The following PCDHA7 variants were observed in gnomAD, a reference collection of about 807,000 sequenced individuals.
The protein encoded by PCDHA7 is protocadherin alpha-7.
A neutral mutation model predicts 57.2 loss-of-function variants in PCDHA7; 37 were observed. That is an observed-to-expected ratio of 0.65 (90% CI 0.50 to 0.85). The LOEUF (loss-of-function observed/expected upper bound fraction) is 0.85. Among genes scored for constraint, PCDHA7 ranks in the 40% least tolerant of loss-of-function variants. The pLI, the probability that PCDHA7 is intolerant of heterozygous loss-of-function variation, is 0.00. For synonymous variants in PCDHA7, 553 were observed against 558.8 expected, an observed-to-expected ratio of 0.99 and a Z score of 0.15; for missense variants, 1,188 against 1,241.8, an observed-to-expected ratio of 0.96 and a Z score of 0.65.
At chr5:140,980,584 C>T (rs1447001293) in intron 2 of PCDHA7, among the ~76,000 whole-genome samples, 3 of 151,934 alleles carry the variant, frequency 2.0e-5, no homozygotes, top group Non-Finnish European at 4.4e-5. Context: ...GAGCCAAGAT[C>T]GAGCCACTGC....
At chr5:140,975,017 G>A (rs1474947976) in intron 1 of PCDHA7, among the ~76,000 whole-genome samples, 1 of 152,154 alleles carries the variant, frequency 6.6e-6, no homozygotes, top group Non-Finnish European at 1.5e-5. Flanking sequence ...ACACAGCTGG[G>A]CTGTGTTGTC....
chr5:140,883,402 C>T lies in PCDHA7; in HGVS notation c.2355+46664C>T. ...CCCTAATCAGTGTGTCCGATCGTGACTCTGGCTCAAATGGACAGGTCACCT... is the reference window on the plus strand; with the variant it reads ...CCCTAATCAGTGTGTCCGATCGTGATTCTGGCTCAAATGGACAGGTCACCT... On this transcript the variant is annotated intron_variant, in intron 1 of 3. Coordinates refer to ENST00000525929, the MANE Select transcript of PCDHA7 (RefSeq NM_018910.3). 4 of 1,614,192 alleles carry T rather than the reference C, an allele frequency of 2.5e-6. No individual in the cohort carries two copies. The South Asian group carries it at 3.3e-5, about 13-fold the overall frequency.
intron 1 of PCDHA7, chr5:140,853,754 A>G: frequency 1.0e-6 from 1 of 988,728 alleles, no homozygotes; most frequent in Non-Finnish European, 1.2e-6. Context: ...TCAAGGCTCC[A>G]CCTCAGAAAT....
intron 1 of PCDHA7, among the ~76,000 whole-genome samples, chr5:140,839,694 A>G (rs1199656797): frequency 6.6e-6 from 1 of 152,032 alleles, no homozygotes; most frequent in Non-Finnish European, 1.5e-5. Context: ...TTTTTTGGGT[A>G]AATAATGTGA....
intron 1 of PCDHA7, chr5:140,857,310 A>G (rs781828328): frequency 6.3e-7 from 1 of 1,598,492 alleles, no homozygotes; most frequent in Non-Finnish European, 8.6e-7. Context: ...TCGGCCTATG[A>G]GCTGGTGGTG....
chr5:140,969,011 A>G lies in PCDHA7; in HGVS notation c.2356-9938A>G, dbSNP rs1554231347. On this transcript the variant is annotated intron_variant, in intron 1 of 3. Transcript: ENST00000525929. Reference sequence around the variant, plus strand: ...ATGCTGTGGAGGCTTCTGTGGAGTAAGGGAAAGGTCCCCTGCAGAACTGTA... The same window carrying G: ...ATGCTGTGGAGGCTTCTGTGGAGTAGGGGAAAGGTCCCCTGCAGAACTGTA... The G allele has an allele frequency of 2.5e-6, 4 of 1,614,084 alleles. No individual in the cohort carries two copies. In the South Asian group the frequency reaches 4.4e-5, roughly 18 times the overall value.
At position 140,835,888 on chromosome 5, in the gene PCDHA7, G is replaced by T. The variant is rs2150247601; in HGVS notation, c.1505G>T (p.Arg502Leu). Reference protein sequence around the residue: ...YSLVELRVGERALSSYVSVHA... With the variant: ...YSLVELRVGELALSSYVSVHA... ...CTGGTGGAGCTGCGGGTGGGCGAGC[G>T]CGCGCTGTCGAGCTACGTGTCAGTG... The change falls in exon 1 of 4, where the codon CGC becomes CTC. Residue 502 changes from arginine to leucine, a missense_variant. Physicochemically the swap from Arg to Leu is moderately radical, Grantham distance 102. This residue lies in a region of PCDHA7 where 892 missense variants were observed against 788.5 expected (regional missense o/e 1.13). Coordinates refer to ENST00000525929, the MANE Select transcript of PCDHA7 (RefSeq NM_018910.3). 6.2e-7 allele frequency: 1 copy of T among 1,611,944 alleles called. No individual in the cohort carries two copies. The highest frequency in any genetic ancestry group is 8.5e-7 in the Non-Finnish European group (1 of 1,179,626).
chr5:140,871,118 G>A, intron 1 of PCDHA7: 3 of 1,613,306 alleles, frequency 1.9e-6, no homozygotes, highest in Non-Finnish European at 2.5e-6. Flanking sequence ...GTGGAGAGCG[G>A]ACAGGCGCCA....
chr5:140,941,210 T>TTC (rs2092846943), intron 1 of PCDHA7, among the ~76,000 whole-genome samples: 12 of 100,630 alleles, frequency 1.2e-4, no homozygotes, highest in Admixed American at 4.7e-4. Context: ...TTCCTTTCTT[T>TTC]CTTCCTTTCT....
intron 1 of PCDHA7, among the ~76,000 whole-genome samples, chr5:140,902,858 C>T (rs1275375548): frequency 6.6e-6 from 1 of 152,110 alleles, no homozygotes; most frequent in African/African-American, 2.4e-5. Context: ...AAATGGCGTC[C>T]AGGTCCACCC....
Position 140,835,759 on chromosome 5 carries a change from A to T in PCDHA7, c.1376A>T (p.Glu459Val). 1 of 1,613,356 alleles carries T rather than the reference A, an allele frequency of 6.2e-7. No individual in the cohort carries two copies. The highest frequency in any genetic ancestry group is 1.1e-5 in the South Asian group (1 of 91,054). Residue 459 changes from glutamate (E) to valine (V), a missense_variant, in exon 1 of 4, where the codon GAG becomes GTG. Glu to Val is a moderately radical substitution (Grantham distance 121). Coordinates refer to ENST00000525929, the MANE Select transcript of PCDHA7 (RefSeq NM_018910.3). ...AACGCCCCGGCGTTCGCGCAGCCCG[A>T]GTATACGGTGTTCGTGAAGGAGAAC... ...NDNAPAFAQP[E>V]YTVFVKENNP...
intron 1 of PCDHA7, among the ~76,000 whole-genome samples, chr5:140,924,534 C>G (rs1488047727): frequency 1.3e-5 from 2 of 152,134 alleles, no homozygotes; most frequent in African/African-American, 2.4e-5. Context: ...AATGCCCGAG[C>G]TACCCCTCTC....
At chr5:140,976,310 G>A (rs1216220776) in intron 1 of PCDHA7, among the ~76,000 whole-genome samples, 1 of 152,036 alleles carries the variant, frequency 6.6e-6, no homozygotes, top group African/African-American at 2.4e-5. Context: ...CAGCACTTTG[G>A]GAGGCCGAGG....
chr5:140,877,331 T>A (rs2057038565), intron 1 of PCDHA7: 15 of 1,613,962 alleles, frequency 9.3e-6, no homozygotes, highest in Non-Finnish European at 1.3e-5. Context: ...GGCGCGCACA[T>A]CCCGTTCCAC....
rs1554148728 is a variant in PCDHA7, at chr5:140,856,447, C to T, written c.2355+19709C>T. On this transcript the variant is annotated intron_variant, in intron 1 of 3. Transcript: ENST00000525929. ...TTAACGACAACCCGCCCAGGTTCTC[C>T]GTAACAGAACAAAAGCTCTCAATAC... 8 of 1,598,330 alleles carry T rather than the reference C, an allele frequency of 5.0e-6. 1 individual carries two copies. The highest frequency in any genetic ancestry group is 6.8e-6 in the Non-Finnish European group (8 of 1,167,884).
intron 1 of PCDHA7, among the ~76,000 whole-genome samples, chr5:140,969,719 T>G (rs1448594057): frequency 7.9e-5 from 12 of 152,220 alleles, no homozygotes; most frequent in Non-Finnish European, 1.5e-4. Flanking sequence ...AGGGAAATTT[T>G]TCTTTTGAAA....
intron 1 of PCDHA7, among the ~76,000 whole-genome samples, chr5:140,872,243 T>A (rs1484959006): frequency 6.6e-6 from 1 of 152,192 alleles, no homozygotes; most frequent in African/African-American, 2.4e-5. Flanking sequence ...TCTTTATTCC[T>A]GTGATAATAC....
intron 1 of PCDHA7, chr5:140,857,591 A>C: frequency 6.3e-7 from 1 of 1,596,270 alleles, no homozygotes; most frequent in Non-Finnish European, 8.6e-7. Flanking sequence ...GGAGAGCGGC[A>C]AGGTGTACGC....
chr5:140,942,391 G>A (rs901640537), intron 1 of PCDHA7, among the ~76,000 whole-genome samples: 1 of 151,546 alleles, frequency 6.6e-6, no homozygotes, highest in Non-Finnish European at 1.5e-5. Context: ...CAGCCTGGGC[G>A]ACAGATGAGA....
Sources: allele counts gnomAD v4.1 joint callset (sites outside exome capture counted in the v4.1 genomes callset), GRCh38; gene constraint gnomAD v4.1.1; regional missense constraint gnomAD v4.1.1; transcripts MANE v1.5; gene names NCBI Gene and HGNC (gene_info 2026-07-23, HGNC 2026-07-21).